KHDRBS2: variants seen among roughly 807,000 people sequenced by gnomAD.
KHDRBS2 encodes the protein KH domain-containing, RNA-binding, signal transduction-associated protein 2.
A neutral mutation model predicts 44.3 loss-of-function variants in KHDRBS2; 26 were observed. The ratio of observed to expected loss-of-function variants is 0.59; its 90% CI spans 0.43 to 0.81. KHDRBS2 has a LOEUF of 0.81. Ranked by LOEUF, KHDRBS2 falls within the 40% of genes least tolerant of loss-of-function variation. The probability of loss-of-function intolerance (pLI) is 0.00; values close to 1 mark genes in which losing one functional copy is unlikely to be tolerated. For synonymous variants in KHDRBS2, 194 were observed against 151.1 expected (o/e 1.28, Z -2.08); for missense variants, 476 against 433.1 (o/e 1.10, Z -0.88).
the KHDRBS2 span, among the ~76,000 whole-genome samples, chr6:61,621,370 A>C: frequency 7.9e-5 from 12 of 152,192 alleles, no homozygotes; most frequent in Non-Finnish European, 1.3e-4. Flanking sequence ...TAGAAATGAA[A>C]ACTAATTGTG....
At chr6:62,263,484 C>T (rs1241901603) in intron 1 of KHDRBS2, among the ~76,000 whole-genome samples, 1 of 151,594 alleles carries the variant, frequency 6.6e-6, no homozygotes, top group Non-Finnish European at 1.5e-5. Context: ...GTAATGGAAA[C>T]AACAAACTAT....
chr6:61,836,994 T>C (rs1217466986), intron 6 of KHDRBS2, among the ~76,000 whole-genome samples: 1 of 151,956 alleles, frequency 6.6e-6, no homozygotes, highest in Admixed American at 6.6e-5. Context: ...CTGGCAGAAT[T>C]CATTTATCTG....
At chr6:61,808,230 A>C (rs1241518015) in intron 6 of KHDRBS2, among the ~76,000 whole-genome samples, 1 of 152,132 alleles carries the variant, frequency 6.6e-6, no homozygotes, top group Non-Finnish European at 1.5e-5. Flanking sequence ...AAATATTTGA[A>C]AGTAGAATTC....
At chr6:62,239,641 C>T (rs941766919) in intron 1 of KHDRBS2, among the ~76,000 whole-genome samples, 1 of 152,120 alleles carries the variant, frequency 6.6e-6, no homozygotes, top group African/African-American at 2.4e-5. Context: ...AAGGGGCATA[C>T]TGTCAGTTTA....
intron 5 of KHDRBS2, among the ~76,000 whole-genome samples, chr6:61,898,121 A>G (rs1239235667): frequency 6.6e-6 from 1 of 152,104 alleles, no homozygotes; most frequent in East Asian, 1.9e-4. Context: ...AGAGCTTAAA[A>G]TATTCTAGAC....
Position 61,981,986 on chromosome 6 carries a change from G to A in KHDRBS2, c.337-3774C>T, listed in dbSNP as rs184809035. On this transcript the variant is annotated intron_variant, in intron 3 of 8. Transcript: ENST00000281156. ...ATTTAAATTCCATAAATTAAATATT[G>A]TATTCCACAGAAACCACCAAAATCC... Among the ~76,000 whole-genome samples, 85 of 152,144 alleles carry A rather than the reference G, an allele frequency of 5.6e-4. 1 individual carries two copies. The highest frequency in any genetic ancestry group is 9.0e-4 in the Non-Finnish European group (61 of 68,004).
At chr6:61,559,601 C>T in the KHDRBS2 span, among the ~76,000 whole-genome samples, 159 of 152,130 alleles carry the variant, frequency 1.0e-3, no homozygotes, top group South Asian at 2.9e-3. Flanking sequence ...TTGAAGTAAC[C>T]ATGAAGCTTG....
At chr6:61,616,498 T>A in the KHDRBS2 span, among the ~76,000 whole-genome samples, 4 of 142,320 alleles carry the variant, frequency 2.8e-5, no homozygotes, top group African/African-American at 7.7e-5. Context: ...TATATATATA[T>A]AATGCTATTG....
intron 4 of KHDRBS2, among the ~76,000 whole-genome samples, chr6:61,948,784 CT>C (rs375752912): frequency 1.3e-5 from 2 of 150,954 alleles, no homozygotes; most frequent in Non-Finnish European, 3.0e-5. Flanking sequence ...GTAGCTGGAA[CT>C]ATACGCACAT....
chr6:61,587,939 G>T, the KHDRBS2 span, among the ~76,000 whole-genome samples: 7 of 152,208 alleles, frequency 4.6e-5, no homozygotes, highest in African/African-American at 1.7e-4. Context: ...TCAAATCTGT[G>T]CTTAAGAAAC....
intron 1 of KHDRBS2, among the ~76,000 whole-genome samples, chr6:62,244,916 G>T (rs543878490): frequency 5.9e-5 from 9 of 151,984 alleles, no homozygotes; most frequent in Non-Finnish European, 1.2e-4. Context: ...CACAACCTCA[G>T]GGCTGTGGTA....
At chr6:61,797,976 G>A (rs567263068) in intron 6 of KHDRBS2, among the ~76,000 whole-genome samples, 1 of 151,862 alleles carries the variant, frequency 6.6e-6, no homozygotes, top group Admixed American at 6.6e-5. Flanking sequence ...CAGGTAATGA[G>A]CATAGTACCC....
intron 1 of KHDRBS2, among the ~76,000 whole-genome samples, chr6:62,250,264 C>T (rs1836295344): frequency 1.3e-5 from 2 of 152,198 alleles, no homozygotes; most frequent in East Asian, 1.9e-4. Context: ...ACATACATAA[C>T]ATTATCTCTT....
chr6:62,236,536 C>T (rs1197038947), intron 1 of KHDRBS2, among the ~76,000 whole-genome samples: 1 of 151,716 alleles, frequency 6.6e-6, no homozygotes, highest in Non-Finnish European at 1.5e-5. Context: ...GTAACTTCAC[C>T]AACAAGTATT....
intron 2 of KHDRBS2, among the ~76,000 whole-genome samples, chr6:62,098,188 G>A (rs1801054864): frequency 6.8e-6 from 1 of 147,212 alleles, no homozygotes; most frequent in Non-Finnish European, 1.5e-5. Context: ...TAGTATAGGA[G>A]TATTATGAAT....
rs181367823 is a variant in KHDRBS2, at chr6:61,940,664, A to G, written c.483+37402T>C. On this transcript the variant is annotated intron_variant, in intron 4 of 8. Transcript: ENST00000281156. ...GTACCATTTTAGAGCCCTGCACCCA[A>G]TGGACTGCACACTGTCCTGGAGCCC... is the stretch of plus-strand genomic sequence containing the variant. Among the ~76,000 whole-genome samples the G allele has an allele frequency of 1.4e-3, 218 of 152,254 alleles. 2 individuals carry two copies. Among genetic ancestry groups the G allele is most frequent in the African/African-American group, 4.8e-3 (200 of 41,546 alleles).
Position 61,771,075 on chromosome 6 carries a change from C to G in KHDRBS2, c.811-38311G>C, listed in dbSNP as rs1388370785. Among the ~76,000 whole-genome samples, 3 of 152,256 alleles carry G rather than the reference C, an allele frequency of 2.0e-5. No individual in the cohort carries two copies. In the East Asian group the frequency reaches 5.8e-4, roughly 29 times the overall value. ...GAATTTTCAACCCAGATTTTCATATCCAGCCAAACTAAGCTTCATAAGTGA... is the reference window on the plus strand; with the variant it reads ...GAATTTTCAACCCAGATTTTCATATGCAGCCAAACTAAGCTTCATAAGTGA... On this transcript the variant is annotated intron_variant, in intron 6 of 8. Transcript: ENST00000281156.
At chr6:62,092,144 C>T (rs1349610201) in intron 2 of KHDRBS2, among the ~76,000 whole-genome samples, 1 of 151,726 alleles carries the variant, frequency 6.6e-6, no homozygotes, top group Non-Finnish European at 1.5e-5. Context: ...TTCTGCTCAG[C>T]TTCCACCAGC....
chr6:61,946,547 G>T (rs9294689), intron 4 of KHDRBS2, among the ~76,000 whole-genome samples: 4 of 151,798 alleles, frequency 2.6e-5, no homozygotes, highest in Admixed American at 1.3e-4. Flanking sequence ...AGTCAAATCC[G>T]GGCAAGAATA....
Sources: allele counts gnomAD v4.1 joint callset (sites outside exome capture counted in the v4.1 genomes callset), GRCh38; gene constraint gnomAD v4.1.1; transcripts MANE v1.5; gene names NCBI Gene and HGNC (gene_info 2026-07-23, HGNC 2026-07-21).